Variants in ANKDD1B observed in about 807,000 individuals in gnomAD.
ANKDD1B encodes the protein ankyrin repeat and death domain containing 1B, also known as ankyrin repeat and death domain-containing protein 1B.
A neutral mutation model predicts 59.7 loss-of-function variants in ANKDD1B; 57 were observed. The observed-to-expected ratio is 0.95, with a 90% confidence interval of 0.77 to 1.19. The LOEUF (loss-of-function observed/expected upper bound fraction) is 1.19, where lower values mean the gene tolerates loss of function less well. Ranked by LOEUF, ANKDD1B falls within the 50% of genes most tolerant of loss-of-function variation. The pLI is 0.00. For missense variants in ANKDD1B, 602 were observed against 641.9 expected (o/e 0.94, Z 0.67); for synonymous variants, 216 against 239.5 (o/e 0.90, Z 0.91).
Position 75,635,899 on chromosome 5 carries a change from G to GTAGGAC in ANKDD1B, c.798+18_798+19insAGGACT. ...ATGAATGAGGTATGTGGAAGTGCTCGTTATTGCCATAGGACTTAAATGTGG... is the reference window on the plus strand; with the variant it reads ...ATGAATGAGGTATGTGGAAGTGCTCGTAGGACTTATTGCCATAGGACTTAAATGTGG... On this transcript the variant is annotated intron_variant, in intron 7 of 13. Transcript: ENST00000601380. 6.8e-7 allele frequency: 1 copy of GTAGGAC among 1,465,890 alleles called. No individual in the cohort carries two copies. Among genetic ancestry groups the GTAGGAC allele is most frequent in the Non-Finnish European group, 9.2e-7 (1 of 1,085,884 alleles). 90.8% of individuals were successfully genotyped at this position (1,465,890 alleles called of 1,614,324 possible).
intron 5 of ANKDD1B, among the ~76,000 whole-genome samples, chr5:75,633,904 A>G (rs1774230029): frequency 6.6e-6 from 1 of 152,180 alleles, no homozygotes; most frequent in African/African-American, 2.4e-5. Flanking sequence ...TCATTCTCAT[A>G]GGAATAAATT....
intron 9 of ANKDD1B, among the ~76,000 whole-genome samples, chr5:75,656,744 G>T (rs531290118): frequency 6.9e-4 from 105 of 152,274 alleles, no homozygotes; most frequent in African/African-American, 2.5e-3. Context: ...CCTCTTCCAG[G>T]ATATGTAGGG....
chr5:75,620,366 G>C lies in ANKDD1B; in HGVS notation c.349G>C (p.Val117Leu). The C allele has an allele frequency of 6.5e-7, 1 of 1,535,652 alleles. No homozygotes were observed. The highest frequency in any genetic ancestry group is 8.7e-7 in the Non-Finnish European group (1 of 1,146,488). ...AGTGGGGAGAAATCATTTATCTGCA[G>C]TGGATTTCTTGCTTAAACACAAGGC... is the stretch of plus-strand genomic sequence containing the variant. ...FAVGRNHLSA[V>L]DFLLKHKARV... The change falls in exon 3 of 14, where the codon GTG becomes CTG. Residue 117 changes from valine (V) to leucine (L), a missense_variant. Coordinates refer to ENST00000601380, the MANE Select transcript of ANKDD1B (RefSeq NM_001276713.2).
chr5:75,631,426 T>C (rs772611332), intron 5 of ANKDD1B, among the ~76,000 whole-genome samples: 1 of 152,254 alleles, frequency 6.6e-6, no homozygotes, highest in Admixed American at 6.5e-5. Context: ...GAACTACAGA[T>C]GAATTATAAA....
chr5:75,613,594 G>A (rs1340410186), intron 1 of ANKDD1B, among the ~76,000 whole-genome samples: 1 of 152,184 alleles, frequency 6.6e-6, no homozygotes, highest in African/African-American at 2.4e-5. Context: ...TGAGAATTAG[G>A]TGATGGTAGT....
At position 75,661,899 on chromosome 5, in the gene ANKDD1B, ATT is replaced by A. The variant is rs35120763; in HGVS notation, c.1096-1471_1096-1470del. Among the ~76,000 whole-genome samples the A allele has an allele frequency of 7.4e-4, 69 of 92,800 alleles. No homozygotes were observed. In the East Asian group the frequency reaches 0.016, roughly 22 times the overall value. 60.9% of individuals were successfully genotyped at this position (92,800 alleles called of 152,430 possible). The stretch of plus-strand genomic sequence containing the variant: ...AATATCTTTTCTATTGGCTCCCACA[ATT>A]TTTTTTTTTTTTTTTTTTTTTTTGC... On this transcript the variant is annotated intron_variant, in intron 10 of 13. Transcript: ENST00000601380.
Position 75,663,324 on chromosome 5 carries a change from C to G in ANKDD1B, c.1096-70C>G, listed in dbSNP as rs934622997. The G allele has an allele frequency of 1.2e-5, 14 of 1,186,734 alleles. No homozygotes were observed. In the African/African-American group the frequency reaches 1.4e-4, roughly 12 times the overall value. The allele number at this position is 1,186,734 out of a possible 1,614,324, so 73.5% of individuals were successfully genotyped here. A position where few individuals can be genotyped will look rare whatever the true frequency, so the allele number is the denominator to read the frequency against. On this transcript the variant is annotated intron_variant, in intron 10 of 13. Coordinates refer to ENST00000601380, the MANE Select transcript of ANKDD1B (RefSeq NM_001276713.2). Reference sequence around the variant, plus strand: ...GAATCAAGATTTGAACCGAGGCCCCCTTGTTCCAAAACTAGAGCTCCTAAT... The same window carrying G: ...GAATCAAGATTTGAACCGAGGCCCCGTTGTTCCAAAACTAGAGCTCCTAAT...
chr5:75,666,860 G>T lies in ANKDD1B; in HGVS notation c.1260G>T (p.Leu420=), dbSNP rs1349341559. 7 of 1,535,994 alleles carry T rather than the reference G, an allele frequency of 4.6e-6. No individual in the cohort carries two copies. Among genetic ancestry groups the T allele is most frequent in the Admixed American group, 2.0e-5 (1 of 50,986 alleles). Residue 420 remains leucine, a synonymous_variant, in exon 12 of 14, where the codon CTG becomes CTT. Transcript: ENST00000601380. ...FTLTFKQDHS[L]ETRHIRTLLW... ...TGACATTCAAGCAAGATCACAGTCT[G>T]GAGACCAGACACATTCGCACGCTTC...
chr5:75,648,537 G>A (rs149936365), intron 7 of ANKDD1B, among the ~76,000 whole-genome samples: 2 of 152,234 alleles, frequency 1.3e-5, no homozygotes, highest in African/African-American at 2.4e-5. Context: ...CTCCCCATCC[G>A]ACTGAGACTT....
intron 5 of ANKDD1B, among the ~76,000 whole-genome samples, chr5:75,626,396 A>G (rs2112966322): frequency 6.6e-6 from 1 of 152,338 alleles, no homozygotes; most frequent in South Asian, 2.1e-4. Flanking sequence ...GAGATATATA[A>G]CAATACCAGC....
At chr5:75,658,216 T>G (rs1775024512) in intron 9 of ANKDD1B, among the ~76,000 whole-genome samples, 1 of 152,052 alleles carries the variant, frequency 6.6e-6, no homozygotes, top group Non-Finnish European at 1.5e-5. Context: ...AATTAAAATA[T>G]AAATAAATAT....
At chr5:75,624,756 C>T (rs2112963567) in intron 3 of ANKDD1B, among the ~76,000 whole-genome samples, 1 of 152,240 alleles carries the variant, frequency 6.6e-6, no homozygotes, top group East Asian at 1.9e-4. Context: ...CTATATTGAT[C>T]AATCGACCTA....
intron 5 of ANKDD1B, among the ~76,000 whole-genome samples, chr5:75,628,494 AG>A (rs1189578033): frequency 6.6e-6 from 1 of 152,138 alleles, no homozygotes; most frequent in East Asian, 1.9e-4. Flanking sequence ...ATCTGCTTAA[AG>A]GTATTGTGGA....
Position 75,669,313 on chromosome 5 carries a change from GA to G in ANKDD1B, c.1456del (p.Met486Ter), listed in dbSNP as rs756719660. The stretch of plus-strand genomic sequence containing the variant: ...TGCTTATCTGGCTACACGGGACCCT[GA>G]TGACTCAGGGTGACCCGGCCAAGCA... ...ALLIWLHGTL[M>X]TQGDPAKQLY... On this transcript the variant is annotated frameshift_variant, in exon 13 of 14. Transcript: ENST00000601380. LOFTEE classifies it high-confidence loss of function. 8.1e-6 allele frequency: 10 copies of G among 1,232,152 alleles called. No homozygotes were observed. Among genetic ancestry groups the G allele is most frequent in the Non-Finnish European group, 1.0e-5 (10 of 987,960 alleles). The allele number at this position is 1,232,152 out of a possible 1,614,324, so 76.3% of individuals were successfully genotyped here.
chr5:75,614,316 C>A lies in ANKDD1B; in HGVS notation c.194-2488C>A, dbSNP rs139341979. Reference sequence around the variant, plus strand: ...CAGAAAAATCCTGCGCTTAGGGAACCCAAATCTTTTGTAATAGTCAGTAAG... The same window carrying A: ...CAGAAAAATCCTGCGCTTAGGGAACACAAATCTTTTGTAATAGTCAGTAAG... On this transcript the variant is annotated intron_variant, in intron 1 of 13. Transcript: ENST00000601380. 1.1e-3 allele frequency among the ~76,000 whole-genome samples: 163 copies of A among 152,274 alleles called. 1 individual carries two copies. The East Asian group carries it at 0.027, about 25-fold the overall frequency.
At chr5:75,635,698 C>A in intron 6 of ANKDD1B, 86 bp from the exon 7 acceptor site, 1 of 840,086 alleles carries the variant, frequency 1.2e-6, no homozygotes, top group Admixed American at 2.7e-5. Context: ...ATGAAAACTT[C>A]CAGAAACTCC....
At chr5:75,624,393 G>A (rs886931420) in intron 3 of ANKDD1B, among the ~76,000 whole-genome samples, 1 of 151,956 alleles carries the variant, frequency 6.6e-6, no homozygotes, top group Non-Finnish European at 1.5e-5. Flanking sequence ...TATTTCCCTC[G>A]AATCTCACCT....
intron 1 of ANKDD1B, among the ~76,000 whole-genome samples, chr5:75,613,813 T>G (rs1018972180): frequency 1.3e-5 from 2 of 152,164 alleles, no homozygotes; most frequent in East Asian, 3.8e-4. Flanking sequence ...CTCCTACATC[T>G]GAGTGACTGG....
At chr5:75,664,724 A>G (rs960044659) in intron 11 of ANKDD1B, among the ~76,000 whole-genome samples, 2 of 152,190 alleles carry the variant, frequency 1.3e-5, no homozygotes, top group African/African-American at 2.4e-5. Flanking sequence ...TTCCCACCAA[A>G]TGAATATGCC....
Sources: allele counts gnomAD v4.1 joint callset (sites outside exome capture counted in the v4.1 genomes callset), GRCh38; gene constraint gnomAD v4.1.1; transcripts MANE v1.5; gene names NCBI Gene and HGNC (gene_info 2026-07-23, HGNC 2026-07-21).